Variants in CTTNBP2 observed in about 807,000 individuals in gnomAD.
The protein encoded by CTTNBP2 is cortactin binding protein 2.
CTTNBP2 carries 108 observed loss-of-function variants against 156.9 expected under a neutral mutation model. The ratio of observed to expected loss-of-function variants is 0.69; its 90% confidence interval spans 0.59 to 0.81. The LOEUF (loss-of-function observed/expected upper bound fraction) is 0.81. CTTNBP2 is among the 30% of genes least tolerant of loss of function. The pLI, the probability that CTTNBP2 is intolerant of heterozygous loss-of-function variation, is 0.00. For missense variants in CTTNBP2, 1,924 were observed against 2,035.4 expected, an observed-to-expected ratio of 0.95 and a Z score of 1.05; for synonymous variants, 767 against 751.8, an observed-to-expected ratio of 1.02 and a Z score of -0.33.
At chr7:117,759,319 CCAT>C (rs1797062709) in intron 10 of CTTNBP2, among the ~76,000 whole-genome samples, 1 of 152,012 alleles carries the variant, frequency 6.6e-6, no homozygotes, top group East Asian at 1.9e-4. Flanking sequence ...AGTATGTTGC[CCAT>C]GCTGGTCTTG....
At chr7:117,748,355 T>C (rs950366247) in intron 12 of CTTNBP2, among the ~76,000 whole-genome samples, 1 of 152,226 alleles carries the variant, frequency 6.6e-6, no homozygotes, top group Non-Finnish European at 1.5e-5. Context: ...TTGATATGCA[T>C]AGTCATAATT....
At chr7:117,865,343 TGAAAAGA>T (rs1371875258) in intron 1 of CTTNBP2, among the ~76,000 whole-genome samples, 5 of 151,634 alleles carry the variant, frequency 3.3e-5, no homozygotes, top group Non-Finnish European at 7.4e-5. Flanking sequence ...TTTTTAGTGA[TGAAAAGA>T]AACTAAAAAC....
chr7:117,851,858 A>G (rs1323061932), intron 2 of CTTNBP2, among the ~76,000 whole-genome samples: 1 of 152,198 alleles, frequency 6.6e-6, no homozygotes, highest in Non-Finnish European at 1.5e-5. Flanking sequence ...AGGAAGCCCA[A>G]TACACTTTTG....
At chr7:117,809,199 A>G (rs1017090198) in intron 3 of CTTNBP2, among the ~76,000 whole-genome samples, 1 of 152,170 alleles carries the variant, frequency 6.6e-6, no homozygotes, top group African/African-American at 2.4e-5. Context: ...AAAAAAAAAA[A>G]ATCAGCTAGA....
Position 117,718,127 on chromosome 7 carries a change from ATACAGAATTTGCCCGGTC to A in CTTNBP2, c.4645-26_4645-9del. On this transcript the variant is annotated splice_polypyrimidine_tract_variant and intron_variant, in intron 21 of 22. Coordinates refer to ENST00000160373, the MANE Select transcript of CTTNBP2 (RefSeq NM_033427.3). ...ATCCCTGGAATCAGCAATCTAGAAA[ATACAGAATTTGCCCGGTC>A]ATGTCTCCACAGTCACACTGTGCAT... 1.3e-6 allele frequency: 2 copies of A among 1,593,014 alleles called. No individual in the cohort carries two copies. Among genetic ancestry groups the A allele is most frequent in the Non-Finnish European group, 1.7e-6 (2 of 1,161,490 alleles).
At position 117,854,775 on chromosome 7, in the gene CTTNBP2, A is replaced by ATTT. The variant is rs1563070245; in HGVS notation, c.189+6433_189+6434insAAA. ...TTTAGCAAAAATAGATGATTTAATTAATTAATTAATTTATTTATTTATTTT... is the reference window on the plus strand; with the variant it reads ...TTTAGCAAAAATAGATGATTTAATTATTTATTAATTAATTTATTTATTTATTTT... On this transcript the variant is annotated intron_variant, in intron 2 of 22. Transcript: ENST00000160373. Among the ~76,000 whole-genome samples, 1,406 of 151,650 alleles carry ATTT rather than the reference A, an allele frequency of 9.3e-3. 30 individuals are homozygous for ATTT. Among genetic ancestry groups the ATTT allele is most frequent in the African/African-American group, 0.032 (1,336 of 41,330 alleles).
rs1025788825 is a variant in CTTNBP2, at chr7:117,792,887, TC to T, written c.415-107del. The T allele has an allele frequency of 5.0e-5, 40 of 793,112 alleles. No homozygotes were observed. The African/African-American group carries it at 7.1e-4, about 14-fold the overall frequency. 49.1% of individuals were successfully genotyped at this position (793,112 alleles called of 1,614,324 possible). A position where few individuals can be genotyped will look rare whatever the true frequency, so the allele number is the denominator to read the frequency against. On this transcript the variant is annotated intron_variant, in intron 3 of 22. Transcript: ENST00000160373. This position sits in a 1 kb window ranked among gnomAD's most constrained non-coding sequence, Gnocchi z 4.2. Reference sequence around the variant, plus strand: ...ATTAATTTTCTAACAATTACATAACTCGGGTTAGCAAAAACGCCACATTTTC... The same window carrying T: ...ATTAATTTTCTAACAATTACATAACTGGGTTAGCAAAAACGCCACATTTTC...
At chr7:117,752,300 C>T (rs542065510) in intron 12 of CTTNBP2, among the ~76,000 whole-genome samples, 3 of 152,132 alleles carry the variant, frequency 2.0e-5, no homozygotes, top group East Asian at 1.9e-4. Flanking sequence ...TCAAGATGAC[C>T]GAACTCCAGC....
At chr7:117,834,206 T>C (rs1485500196) in intron 2 of CTTNBP2, among the ~76,000 whole-genome samples, 4 of 152,030 alleles carry the variant, frequency 2.6e-5, no homozygotes, top group Admixed American at 2.0e-4. Flanking sequence ...AGGCACCTGC[T>C]ACCACACCTG....
At chr7:117,718,335 C>T (rs182223079) in intron 21 of CTTNBP2, among the ~76,000 whole-genome samples, 29 of 152,090 alleles carry the variant, frequency 1.9e-4, no homozygotes, top group Non-Finnish European at 4.0e-4. Context: ...AAAAAGAATC[C>T]ACTTAAAACG....
chr7:117,839,604 G>C (rs952262113), intron 2 of CTTNBP2, among the ~76,000 whole-genome samples: 2 of 152,188 alleles, frequency 1.3e-5, no homozygotes, highest in African/African-American at 2.4e-5. Flanking sequence ...TCAGCCCCAT[G>C]GTGAATTTAA....
intron 2 of CTTNBP2, among the ~76,000 whole-genome samples, chr7:117,830,700 CTCTT>C (rs1243291947): frequency 2.0e-5 from 3 of 152,186 alleles, no homozygotes; most frequent in Non-Finnish European, 4.4e-5. Flanking sequence ...TGTTTGACTG[CTCTT>C]TCTTTATTAG....
At chr7:117,767,761 C>T (rs1460824319) in intron 8 of CTTNBP2, among the ~76,000 whole-genome samples, 1 of 152,122 alleles carries the variant, frequency 6.6e-6, no homozygotes, top group Non-Finnish European at 1.5e-5. Context: ...GTTATGCTAC[C>T]TTTCCTTTTC....
rs1035805519 is a variant in CTTNBP2, at chr7:117,864,961, A to G, written c.82-3645T>C. Among the ~76,000 whole-genome samples, 50 of 146,422 alleles carry G rather than the reference A, an allele frequency of 3.4e-4. 1 individual carries two copies. The highest frequency in any genetic ancestry group is 1.5e-4 in the Non-Finnish European group (10 of 67,026). On this transcript the variant is annotated intron_variant, in intron 1 of 22. Coordinates refer to ENST00000160373, the MANE Select transcript of CTTNBP2 (RefSeq NM_033427.3). The stretch of plus-strand genomic sequence containing the variant: ...ATTCAATATATATTCATATATATTC[A>G]TTCAATATATATTCATATATATTCA...
chr7:117,862,444 C>T (rs1338030161), intron 1 of CTTNBP2, among the ~76,000 whole-genome samples: 6 of 152,132 alleles, frequency 3.9e-5, no homozygotes, highest in South Asian at 2.1e-4. Context: ...CATGAATATA[C>T]CATTGACTCT....
intron 3 of CTTNBP2, among the ~76,000 whole-genome samples, chr7:117,809,465 A>G (rs1584466436): frequency 6.6e-6 from 1 of 152,330 alleles, no homozygotes; most frequent in East Asian, 1.9e-4. Context: ...AGTTTCAGTG[A>G]CATCAGCTGA....
chr7:117,750,663 G>C (rs1343400264), intron 12 of CTTNBP2, among the ~76,000 whole-genome samples: 1 of 152,104 alleles, frequency 6.6e-6, no homozygotes, highest in Admixed American at 6.6e-5. Context: ...CTGGGAACCT[G>C]TTACTCTATC....
chr7:117,795,743 T>G (rs1799278701), intron 3 of CTTNBP2, among the ~76,000 whole-genome samples: 1 of 152,224 alleles, frequency 6.6e-6, no homozygotes, highest in Non-Finnish European at 1.5e-5. Context: ...TAAAAGCATC[T>G]GTAATTCTTT....
At chr7:117,727,000 G>A (rs541201699) in intron 17 of CTTNBP2, among the ~76,000 whole-genome samples, 1 of 152,128 alleles carries the variant, frequency 6.6e-6, no homozygotes, top group Non-Finnish European at 1.5e-5. Flanking sequence ...GGTCAAAAAT[G>A]ATTCCTAAGA....
Sources: gnomAD v4.1 joint callset for allele counts (sites outside exome capture counted in the v4.1 genomes callset) on GRCh38, gnomAD v4.1.1 for gene constraint, Gnocchi (gnomAD v3.1) non-coding constraint, MANE v1.5 for transcripts, NCBI Gene and HGNC (gene_info 2026-07-23, HGNC 2026-07-21) for gene names.